The following IQCM variants were observed in gnomAD, a reference collection of about 807,000 sequenced individuals.
IQCM encodes the protein IQ motif containing M.
A neutral mutation model predicts 57.6 loss-of-function variants in IQCM; 45 were observed. The ratio of observed to expected loss-of-function variants is 0.78; its 90% CI spans 0.62 to 1.00. The LOEUF is 1.00. Among genes scored for constraint, IQCM ranks in the 50% least tolerant of loss-of-function variants. The pLI is 0.00. For synonymous variants in IQCM, 148 were observed against 158.9 expected, an observed-to-expected ratio of 0.93 and a Z score of 0.51; for missense variants, 468 against 511.6, an observed-to-expected ratio of 0.91 and a Z score of 0.82.
intron 12 of IQCM, among the ~76,000 whole-genome samples, chr4:149,532,401 G>A (rs1746839107): frequency 6.6e-6 from 1 of 151,874 alleles, no homozygotes; most frequent in Non-Finnish European, 1.5e-5. Context: ...GAATACTCAT[G>A]AATAAGAAAG....
At chr4:149,706,883 A>C (rs2149823103) in intron 5 of IQCM, among the ~76,000 whole-genome samples, 1 of 152,088 alleles carries the variant, frequency 6.6e-6, no homozygotes, top group Middle Eastern at 3.4e-3. Flanking sequence ...TCTAATGTAC[A>C]TTTTATTTCT....
chr4:149,651,057 A>G (rs902164483), intron 7 of IQCM, among the ~76,000 whole-genome samples: 2 of 152,156 alleles, frequency 1.3e-5, no homozygotes, highest in African/African-American at 4.8e-5. Flanking sequence ...GACATCCATA[A>G]CCCTAAAGCA....
chr4:149,497,665 G>A (rs763048308), intron 12 of IQCM, among the ~76,000 whole-genome samples: 5 of 151,602 alleles, frequency 3.3e-5, no homozygotes, highest in African/African-American at 4.8e-5. Flanking sequence ...AGATCTGAGT[G>A]GGGACAGAGC....
At chr4:149,366,490 T>C in intron 13 of IQCM, among the ~76,000 whole-genome samples, 1 of 152,038 alleles carries the variant, frequency 6.6e-6, no homozygotes, top group Admixed American at 6.6e-5. Flanking sequence ...TATCCTTCAA[T>C]AGGAGGTTCA....
At chr4:149,578,556 A>G (rs927567326) in intron 9 of IQCM, among the ~76,000 whole-genome samples, 9 of 151,630 alleles carry the variant, frequency 5.9e-5, no homozygotes, top group East Asian at 2.0e-4. Flanking sequence ...TCTGCTCCCA[A>G]TCCAAACTTT....
chr4:149,359,851 A>T (rs1399779595), intron 13 of IQCM, among the ~76,000 whole-genome samples: 2 of 152,196 alleles, frequency 1.3e-5, no homozygotes, highest in East Asian at 3.8e-4. Flanking sequence ...GAAAGAAAAC[A>T]AACACAGATA....
At chr4:149,449,447 C>T (rs1736867269) in intron 12 of IQCM, among the ~76,000 whole-genome samples, 1 of 146,532 alleles carries the variant, frequency 6.8e-6, no homozygotes, top group Non-Finnish European at 1.5e-5. Context: ...CCCCTACTGA[C>T]ATCCTACTAA....
chr4:149,645,792 C>A (rs1266985208), intron 7 of IQCM, among the ~76,000 whole-genome samples: 1 of 152,056 alleles, frequency 6.6e-6, no homozygotes, highest in Non-Finnish European at 1.5e-5. Context: ...CTCCAGACCT[C>A]CTGCCAACAG....
chr4:149,560,826 T>C, intron 10 of IQCM, among the ~76,000 whole-genome samples: 1 of 152,136 alleles, frequency 6.6e-6, no homozygotes, highest in Non-Finnish European at 1.5e-5. Flanking sequence ...AACTCTGAAG[T>C]GGCAGTAAAG....
chr4:149,646,531 GAT>G (rs1758651829), intron 7 of IQCM, among the ~76,000 whole-genome samples: 2 of 152,008 alleles, frequency 1.3e-5, no homozygotes, highest in African/African-American at 4.8e-5. Flanking sequence ...GGACAAAAAA[GAT>G]ATGTAAGCAG....
intron 7 of IQCM, among the ~76,000 whole-genome samples, chr4:149,665,342 T>C (rs1760619891): frequency 6.6e-6 from 1 of 152,134 alleles, no homozygotes; most frequent in African/African-American, 2.4e-5. Context: ...AAGGCAGTAA[T>C]GAGGACCACT....
chr4:149,814,947 T>C (rs574571849), intron 2 of IQCM, among the ~76,000 whole-genome samples: 9 of 152,096 alleles, frequency 5.9e-5, no homozygotes, highest in African/African-American at 2.2e-4. Context: ...AATCTATATG[T>C]AAAAGACATT....
At chr4:149,366,626 G>C (rs1222760063) in intron 13 of IQCM, among the ~76,000 whole-genome samples, 1 of 151,794 alleles carries the variant, frequency 6.6e-6, no homozygotes, top group Non-Finnish European at 1.5e-5. Flanking sequence ...TCCTCAAAAA[G>C]AGAGTGGAAA....
intron 13 of IQCM, among the ~76,000 whole-genome samples, chr4:149,370,390 TA>T (rs1730279657): frequency 6.6e-6 from 1 of 152,154 alleles, no homozygotes; most frequent in Admixed American, 6.6e-5. Context: ...AAAATATACA[TA>T]AAGCACTTAA....
At chr4:149,487,520 G>A (rs747411586) in intron 12 of IQCM, among the ~76,000 whole-genome samples, 1 of 152,062 alleles carries the variant, frequency 6.6e-6, no homozygotes, top group Non-Finnish European at 1.5e-5. Context: ...TCCAGTCCTT[G>A]TGTCCTAGGC....
At chr4:149,615,385 T>A (rs185234445) in intron 8 of IQCM, among the ~76,000 whole-genome samples, 7 of 152,280 alleles carry the variant, frequency 4.6e-5, no homozygotes, top group Admixed American at 4.6e-4. Flanking sequence ...AAAAATATCT[T>A]AGTACTTCAG....
intron 9 of IQCM, among the ~76,000 whole-genome samples, chr4:149,586,582 T>C (rs529724319): frequency 6.6e-6 from 1 of 151,750 alleles, no homozygotes; most frequent in South Asian, 2.1e-4. Context: ...ATTTATTGTT[T>C]CCCTAATTTC....
At chr4:149,559,718 A>G (rs998362778) in intron 10 of IQCM, among the ~76,000 whole-genome samples, 3 of 152,244 alleles carry the variant, frequency 2.0e-5, no homozygotes, top group African/African-American at 7.2e-5. Flanking sequence ...ATAAATGAAC[A>G]TAGGTCTCCA....
intron 8 of IQCM, among the ~76,000 whole-genome samples, chr4:149,603,563 T>C (rs1754504574): frequency 6.6e-6 from 1 of 152,110 alleles, no homozygotes; most frequent in South Asian, 2.1e-4. Context: ...ATAGACTCAA[T>C]CCTTCCATCT....
Sources: allele counts gnomAD v4.1 joint callset (sites outside exome capture counted in the v4.1 genomes callset), GRCh38; gene constraint gnomAD v4.1.1; transcripts MANE v1.5; gene names NCBI Gene and HGNC (gene_info 2026-07-23, HGNC 2026-07-21).